LMOD1: variants seen among roughly 807,000 people sequenced by gnomAD.
The protein encoded by LMOD1 is leiomodin 1, also known as leiomodin-1.
In LMOD1, 8 loss-of-function variants were observed where a neutral mutation model predicts 36.5. The ratio of observed to expected loss-of-function variants is 0.22; its 90% CI spans 0.13 to 0.40. The LOEUF (loss-of-function observed/expected upper bound fraction) is 0.40, where lower values mean the gene tolerates loss of function less well. Ranked by LOEUF, LMOD1 falls within the 10% of genes least tolerant of loss-of-function variation. The probability of loss-of-function intolerance (pLI) is 1.00; values close to 1 mark genes in which losing one functional copy is unlikely to be tolerated. For synonymous variants in LMOD1, 284 were observed against 288.7 expected (o/e 0.98, Z 0.17); for missense variants, 630 against 751.1 (o/e 0.84, Z 1.88).
In LMOD1 at chr1:201,946,165, G is replaced by A. The variant is rs764411885; in HGVS notation, c.176C>T (p.Ser59Phe). Residue 59 changes from serine to phenylalanine, a missense_variant, in exon 1 of 3, where the codon TCC (serine) becomes TTC (phenylalanine). By Grantham distance (155) the Ser-to-Phe change is radical. Around this residue, in one of 3 missense-constraint regions of LMOD1, gnomAD observed 405 missense variants for 400.6 expected, o/e 1.01. Coordinates refer to ENST00000367288, the MANE Select transcript of LMOD1 (RefSeq NM_012134.3). ...GGCCTCCCGGTTGTACACACCCGTG[G>A]ACTGTTTCTCCGTCTGGTTTCTCTG... is the stretch of plus-strand genomic sequence containing the variant. ...LRQRNQTEKQ[S>F]TGVYNREAML... 6.8e-6 allele frequency: 11 copies of A among 1,613,790 alleles called. No homozygotes were observed. Among genetic ancestry groups the A allele is most frequent in the East Asian group, 2.2e-5 (1 of 44,884 alleles).
chr1:201,896,716 G>A lies in LMOD1; in HGVS notation c.*1656C>T, dbSNP rs1223382154. 4.4e-6 allele frequency: 2 copies of A among 456,398 alleles called. No homozygotes were observed. Among genetic ancestry groups the A allele is most frequent in the South Asian group, 1.5e-5 (1 of 64,570 alleles). The allele number at this position is 456,398 out of a possible 1,614,324, so 28.3% of individuals were successfully genotyped here. On this transcript the variant is annotated 3_prime_UTR_variant, in exon 3 of 3. Coordinates refer to ENST00000367288, the MANE Select transcript of LMOD1 (RefSeq NM_012134.3). The stretch of plus-strand genomic sequence containing the variant: ...CCTTTAGGTCCAGGAGCCAGTGTGT[G>A]TCTGTCTCCTCTCCTCTGGGCCCAG...
intron 1 of LMOD1, among the ~76,000 whole-genome samples, chr1:201,930,616 G>A (rs556096803): frequency 1.3e-5 from 2 of 152,300 alleles, no homozygotes; most frequent in African/African-American, 2.4e-5. Flanking sequence ...CACTTGAGGT[G>A]TCCAAGAGAC....
chr1:201,943,359 G>T (rs1682151842), intron 1 of LMOD1, among the ~76,000 whole-genome samples: 1 of 152,244 alleles, frequency 6.6e-6, no homozygotes, highest in African/African-American at 2.4e-5. Context: ...AGGTGAATGT[G>T]CTCGGCATGT....
At chr1:201,928,831 T>C (rs1681871421) in intron 1 of LMOD1, among the ~76,000 whole-genome samples, 1 of 151,754 alleles carries the variant, frequency 6.6e-6, no homozygotes, top group Admixed American at 6.6e-5. Flanking sequence ...TTCTCATGCC[T>C]CAGCCTCCTG....
At chr1:201,943,141 A>G (rs895031940) in intron 1 of LMOD1, among the ~76,000 whole-genome samples, 2 of 152,176 alleles carry the variant, frequency 1.3e-5, no homozygotes, top group Non-Finnish European at 2.9e-5. Context: ...GGTTCTATCC[A>G]TGTGTGTTTT....
chr1:201,924,788 G>T (rs1041378017), intron 1 of LMOD1, among the ~76,000 whole-genome samples: 1 of 152,206 alleles, frequency 6.6e-6, no homozygotes, highest in Non-Finnish European at 1.5e-5. Flanking sequence ...TACTTGGGAG[G>T]CTGAGGCCGG....
rs1241830774 is a variant in LMOD1, at chr1:201,931,061, A to G, written c.261+15019T>C. 2.6e-5 allele frequency among the ~76,000 whole-genome samples: 4 copies of G among 152,248 alleles called. No individual in the cohort carries two copies. In the East Asian group the frequency reaches 5.8e-4, roughly 22 times the overall value. On this transcript the variant is annotated intron_variant, in intron 1 of 2. Coordinates refer to ENST00000367288, the MANE Select transcript of LMOD1 (RefSeq NM_012134.3). ...GGATGCCATTTCCTACAGCTTAGCT[A>G]AGACGGAAAGGAGAGAATGTGGGAA...
chr1:201,908,122 C>A (rs960459452), intron 1 of LMOD1, among the ~76,000 whole-genome samples: 9 of 152,202 alleles, frequency 5.9e-5, no homozygotes, highest in Non-Finnish European at 1.3e-4. Context: ...GACTGAAGTT[C>A]TTCAACTCCT....
In LMOD1 at chr1:201,934,277, C is replaced by T. The variant is rs377356523; in HGVS notation, c.261+11803G>A. ...TCATAGCCTCCTTGGTTTCTCCTCC[C>T]TTCAGACCAGCCTATGGCTGCCAGT... is the stretch of plus-strand genomic sequence containing the variant. On this transcript the variant is annotated intron_variant, in intron 1 of 2. Transcript: ENST00000367288. Among the ~76,000 whole-genome samples, 349 of 152,294 alleles carry T rather than the reference C, an allele frequency of 2.3e-3. 1 individual carries two copies. Among genetic ancestry groups the T allele is most frequent in the African/African-American group, 8.1e-3 (338 of 41,544 alleles).
At chr1:201,906,363 C>G (rs1214020517) in intron 1 of LMOD1, among the ~76,000 whole-genome samples, 2 of 152,226 alleles carry the variant, frequency 1.3e-5, no homozygotes, top group Non-Finnish European at 2.9e-5. Context: ...CCCGCCTCCA[C>G]CATGTCTCAG....
intron 1 of LMOD1, among the ~76,000 whole-genome samples, chr1:201,901,916 C>T (rs1681332774): frequency 6.8e-6 from 1 of 147,986 alleles, no homozygotes; most frequent in Non-Finnish European, 1.5e-5. Context: ...TTTTATTTTA[C>T]CAATTAAGGA....
At chr1:201,909,452 T>G (rs1345496120) in intron 1 of LMOD1, among the ~76,000 whole-genome samples, 1 of 152,154 alleles carries the variant, frequency 6.6e-6, no homozygotes, top group African/African-American at 2.4e-5. Flanking sequence ...AGTCTTATGT[T>G]GCAGGCTGGT....
intron 1 of LMOD1, among the ~76,000 whole-genome samples, chr1:201,916,838 G>A (rs1558238053): frequency 6.6e-6 from 1 of 152,136 alleles, no homozygotes; most frequent in Non-Finnish European, 1.5e-5. Flanking sequence ...AGGGCCAAAG[G>A]GTCTCAGGCA....
intron 1 of LMOD1, among the ~76,000 whole-genome samples, chr1:201,938,808 G>T (rs549006390): frequency 6.6e-6 from 1 of 152,150 alleles, no homozygotes; most frequent in Non-Finnish European, 1.5e-5. Context: ...CCGACAACCC[G>T]GCTTGTTCTT....
intron 1 of LMOD1, among the ~76,000 whole-genome samples, chr1:201,919,324 C>T (rs1267465689): frequency 6.6e-6 from 1 of 152,074 alleles, no homozygotes; most frequent in Admixed American, 6.5e-5. Context: ...CCTGCCTCAG[C>T]CTCCCAAGTA....
At chr1:201,908,325 C>T (rs1025223987) in intron 1 of LMOD1, among the ~76,000 whole-genome samples, 1 of 152,174 alleles carries the variant, frequency 6.6e-6, no homozygotes, top group African/African-American at 2.4e-5. Flanking sequence ...CCATTCACCC[C>T]TCCAAGTTAT....
chr1:201,898,526 G>A, intron 2 of LMOD1, 128 bp from the exon 3 acceptor site: 1 of 729,138 alleles, frequency 1.4e-6, no homozygotes. Flanking sequence ...TGTTGACACT[G>A]AGGGAGCATT....
chr1:201,911,431 G>A lies in LMOD1; in HGVS notation c.262-10680C>T, dbSNP rs540777647. Among the ~76,000 whole-genome samples the A allele has an allele frequency of 1.4e-4, 22 of 152,300 alleles. No individual in the cohort carries two copies. The South Asian group carries it at 4.1e-3, about 29-fold the overall frequency. ...TATAATCCCAGAACTTTGGGAGACCGATGTGTGCGGATCACTTGAGGTCAG... is the reference window on the plus strand; with the variant it reads ...TATAATCCCAGAACTTTGGGAGACCAATGTGTGCGGATCACTTGAGGTCAG... On this transcript the variant is annotated intron_variant, in intron 1 of 2. Transcript: ENST00000367288.
At chr1:201,918,489 C>T (rs1461867662) in intron 1 of LMOD1, among the ~76,000 whole-genome samples, 2 of 152,186 alleles carry the variant, frequency 1.3e-5, no homozygotes, top group African/African-American at 2.4e-5. Context: ...TGCCTCTGTG[C>T]GCCCTCCCCT....
Sources: allele counts gnomAD v4.1 joint callset (sites outside exome capture counted in the v4.1 genomes callset), GRCh38; gene constraint gnomAD v4.1.1; regional missense constraint gnomAD v4.1.1; transcripts MANE v1.5; gene names NCBI Gene and HGNC (gene_info 2026-07-23, HGNC 2026-07-21).